The following MAST4 variants were observed in gnomAD, a reference collection of about 807,000 sequenced individuals.
The protein encoded by MAST4 is microtubule associated serine/threonine kinase family member 4.
A neutral mutation model predicts 162.7 loss-of-function variants in MAST4; 89 were observed. The ratio of observed to expected loss-of-function variants is 0.55; its 90% CI spans 0.46 to 0.65. The LOEUF is 0.65. MAST4 is among the 30% of genes least tolerant of loss of function. The pLI is 0.00. For synonymous variants in MAST4, 1,479 were observed against 1,361.1 expected (o/e 1.09, Z -1.91); for missense variants, 3,153 against 3,374.0 (o/e 0.93, Z 1.62).
chr5:66,641,345 A>G (rs545079164), intron 1 of MAST4, among the ~76,000 whole-genome samples: 1 of 152,050 alleles, frequency 6.6e-6, no homozygotes, highest in South Asian at 2.1e-4. Flanking sequence ...TTTAGTAGAG[A>G]CAGAATTTCG....
intron 19 of MAST4, among the ~76,000 whole-genome samples, chr5:67,137,698 T>A (rs1769843066): frequency 6.6e-6 from 1 of 152,194 alleles, no homozygotes; most frequent in South Asian, 2.1e-4. Context: ...GATAATGCAT[T>A]ACAGCAAGGG....
chr5:66,911,304 G>A (rs1295271380), intron 4 of MAST4, among the ~76,000 whole-genome samples: 3 of 152,188 alleles, frequency 2.0e-5, no homozygotes, highest in African/African-American at 7.2e-5. Flanking sequence ...ACTGACTACA[G>A]TCTATATGTT....
intron 1 of MAST4, among the ~76,000 whole-genome samples, chr5:66,669,834 C>G (rs564990842): frequency 6.6e-6 from 1 of 151,996 alleles, no homozygotes; most frequent in Non-Finnish European, 1.5e-5. Context: ...TACTGGGTGT[C>G]GGCATTTGAA....
At chr5:66,623,163 T>C (rs1744187354) in intron 1 of MAST4, 1 of 152,162 alleles carries the variant, frequency 6.6e-6, no homozygotes, top group Non-Finnish European at 1.5e-5. Flanking sequence ...CACAGAGAGA[T>C]GTGTGGGCTG....
Position 66,596,711 on chromosome 5 carries a change from A to G in MAST4, c.56A>G (p.His19Arg), listed in dbSNP as rs752742962. The change falls in exon 1 of 29, where the codon CAC becomes CGC. Residue 19 changes from histidine to arginine, a missense_variant. Around this residue, in one of 7 missense-constraint regions of MAST4, gnomAD observed 327 missense variants for 336.5 expected, o/e 0.97. Transcript: ENST00000403625. The stretch of plus-strand genomic sequence containing the variant: ...CCGGTGCCCCGCGGCTGCAGTGGCC[A>G]CGGCAGCCGGACTCCAGCCTCTGCG... Reference protein sequence around the residue: ...PEPVPRGCSGHGSRTPASALV... With the variant: ...PEPVPRGCSGRGSRTPASALV... 3.5e-6 allele frequency: 5 copies of G among 1,444,018 alleles called. 1 individual carries two copies. In the Admixed American group the frequency reaches 7.7e-5, roughly 22 times the overall value. 89.5% of individuals were successfully genotyped at this position (1,444,018 alleles called of 1,614,324 possible).
chr5:67,028,162 C>CAACAAA (rs374552882), intron 4 of MAST4, among the ~76,000 whole-genome samples: 31,886 of 151,996 alleles, frequency 0.21, 3,661 homozygotes, highest in Non-Finnish European at 0.26. Context: ...TGAGGGCATC[C>CAACAAA]AGGAGACACA....
intron 1 of MAST4, among the ~76,000 whole-genome samples, chr5:66,612,238 C>T (rs1743336041): frequency 6.6e-6 from 1 of 152,148 alleles, no homozygotes; most frequent in Non-Finnish European, 1.5e-5. Context: ...CTTGCCTGTT[C>T]ACTTGAACTT....
chr5:67,008,594 G>C (rs1444173269), intron 4 of MAST4, among the ~76,000 whole-genome samples: 1 of 152,166 alleles, frequency 6.6e-6, no homozygotes, highest in Non-Finnish European at 1.5e-5. Context: ...AATCTGTCAT[G>C]TTTTCATTTT....
chr5:66,653,895 AG>A (rs1746385025), intron 1 of MAST4, among the ~76,000 whole-genome samples: 1 of 152,192 alleles, frequency 6.6e-6, no homozygotes, highest in Non-Finnish European at 1.5e-5. Context: ...AGTTCTGTAA[AG>A]GAGGAGCGTA....
intron 1 of MAST4, among the ~76,000 whole-genome samples, chr5:66,722,331 A>T (rs1036159925): frequency 7.9e-5 from 12 of 151,818 alleles, no homozygotes; most frequent in African/African-American, 2.9e-4. Flanking sequence ...TTTTTACCCT[A>T]TGTAGGGGCT....
chr5:66,868,299 A>G (rs538807237), intron 3 of MAST4, among the ~76,000 whole-genome samples: 52 of 152,158 alleles, frequency 3.4e-4, no homozygotes, highest in African/African-American at 1.2e-3. Context: ...AGAAGCAGGC[A>G]TGTTCAGCTT....
intron 5 of MAST4, among the ~76,000 whole-genome samples, chr5:67,078,739 AATAT>A (rs547735424): frequency 8.6e-6 from 1 of 116,900 alleles, no homozygotes; most frequent in Non-Finnish European, 1.7e-5. Flanking sequence ...TATTTATCTA[AATAT>A]ATATTTATTT....
At chr5:66,811,084 T>C (rs1321602611) in intron 3 of MAST4, among the ~76,000 whole-genome samples, 2 of 152,158 alleles carry the variant, frequency 1.3e-5, no homozygotes, top group East Asian at 3.9e-4. Context: ...GGGCAGAGAC[T>C]TGGAGGATCT....
In MAST4 at chr5:66,949,460, C is replaced by T. The variant is rs867288040; in HGVS notation, c.674+49478C>T. On this transcript the variant is annotated intron_variant, in intron 4 of 28. Transcript: ENST00000403625. ...CGCCTTCACTCGGCACTTCTTTTTCCTGCTGCAATGTGAAATAGAATGTGT... is the reference window on the plus strand; with the variant it reads ...CGCCTTCACTCGGCACTTCTTTTTCTTGCTGCAATGTGAAATAGAATGTGT... 3.3e-5 allele frequency among the ~76,000 whole-genome samples: 5 copies of T among 152,236 alleles called. No homozygotes were observed. In the South Asian group the frequency reaches 1.0e-3, roughly 32 times the overall value.
chr5:66,947,381 ATG>A, intron 4 of MAST4, among the ~76,000 whole-genome samples: 1 of 152,300 alleles, frequency 6.6e-6, no homozygotes, highest in African/African-American at 2.4e-5. Flanking sequence ...ACAAAGAAAA[ATG>A]TATGAACATT....
At chr5:66,744,312 C>T (rs1752630812) in intron 1 of MAST4, among the ~76,000 whole-genome samples, 1 of 152,112 alleles carries the variant, frequency 6.6e-6, no homozygotes, top group South Asian at 2.1e-4. Context: ...TTCTTAAGAA[C>T]ATTTATTTTG....
At position 67,163,060 on chromosome 5, in the gene MAST4, C is replaced by T. The variant is rs746216127; in HGVS notation, c.3968-87C>T. Reference sequence around the variant, plus strand: ...GAGACAATTTGCTGATCTTACCTGGCCTTACCTAATACAGTCTGGGCTACA... The same window carrying T: ...GAGACAATTTGCTGATCTTACCTGGTCTTACCTAATACAGTCTGGGCTACA... On this transcript the variant is annotated intron_variant, in intron 28 of 28. Transcript: ENST00000403625. This position sits in a 1 kb window ranked among gnomAD's most constrained non-coding sequence, Gnocchi z 7.0. 1 of 1,413,350 alleles carries T rather than the reference C, an allele frequency of 7.1e-7. No homozygotes were observed. The highest frequency in any genetic ancestry group is 9.6e-7 in the Non-Finnish European group (1 of 1,039,092). The allele number at this position is 1,413,350 out of a possible 1,614,324, so 87.6% of individuals were successfully genotyped here.
intron 3 of MAST4, among the ~76,000 whole-genome samples, chr5:66,790,011 T>C (rs923263200): frequency 6.8e-6 from 1 of 147,164 alleles, no homozygotes; most frequent in African/African-American, 2.5e-5. Flanking sequence ...TTTTTTTTTT[T>C]TTTTTTTGCT....
chr5:66,839,324 A>G (rs571568005), intron 3 of MAST4, among the ~76,000 whole-genome samples: 1 of 152,262 alleles, frequency 6.6e-6, no homozygotes, highest in South Asian at 2.1e-4. Flanking sequence ...TGTAGTTTTA[A>G]ACTTCTAAAG....
Sources: allele counts gnomAD v4.1 joint callset (sites outside exome capture counted in the v4.1 genomes callset), GRCh38; gene constraint gnomAD v4.1.1; regional missense constraint gnomAD v4.1.1; non-coding constraint Gnocchi (gnomAD v3.1); transcripts MANE v1.5; gene names NCBI Gene and HGNC (gene_info 2026-07-23, HGNC 2026-07-21).